The following SAMD5 variants were observed in gnomAD, a reference collection of about 807,000 sequenced individuals.
The protein encoded by SAMD5 is sterile alpha motif domain containing 5, also known as sterile alpha motif domain-containing protein 5.
A neutral mutation model predicts 11.3 loss-of-function variants in SAMD5; 13 were observed. The ratio of observed to expected loss-of-function variants is 1.15; its 90% CI spans 0.75 to 1.83. SAMD5 has a LOEUF of 1.83. Ranked by LOEUF, SAMD5 falls within the 40% of genes most tolerant of loss-of-function variation. SAMD5 has a pLI of 0.00. For synonymous variants in SAMD5, 129 were observed against 111.3 expected, an observed-to-expected ratio of 1.16 and a Z score of -1.00; for missense variants, 255 against 239.1, an observed-to-expected ratio of 1.07 and a Z score of -0.44.
the SAMD5 span, among the ~76,000 whole-genome samples, chr6:147,852,743 C>A: frequency 6.6e-6 from 1 of 152,088 alleles, no homozygotes; most frequent in East Asian, 1.9e-4. Context: ...TGAAGATAAC[C>A]AATTTCTTAA....
At chr6:147,676,616 A>G (rs1470713906) in intron 1 of SAMD5, among the ~76,000 whole-genome samples, 6 of 152,180 alleles carry the variant, frequency 3.9e-5, no homozygotes, top group Non-Finnish European at 7.3e-5. Context: ...ATGGATCCCT[A>G]CACCCTAGAA....
chr6:147,548,922 A>G (rs73582421), intron 1 of SAMD5, among the ~76,000 whole-genome samples: 1,655 of 152,174 alleles, frequency 0.011, 30 homozygotes, highest in African/African-American at 0.038. Context: ...GAACTCTGAC[A>G]TGCTTTGGTT....
At chr6:147,516,572 G>C (rs1788174397) in intron 1 of SAMD5, among the ~76,000 whole-genome samples, 1 of 152,180 alleles carries the variant, frequency 6.6e-6, no homozygotes, top group Non-Finnish European at 1.5e-5. Flanking sequence ...CACAAACTAG[G>C]TGTCTAAAAC....
At chr6:147,913,808 C>CATATATGCATGTGTATATATGCAT in the SAMD5 span, among the ~76,000 whole-genome samples, 2 of 152,210 alleles carry the variant, frequency 1.3e-5, no homozygotes, top group African/African-American at 2.4e-5. Context: ...ACATTATGCA[C>CATATATGCATGTGTATATATGCAT]ATACATGCAT....
the SAMD5 span, among the ~76,000 whole-genome samples, chr6:147,889,369 A>G: frequency 5.3e-5 from 8 of 152,208 alleles, no homozygotes; most frequent in South Asian, 2.1e-4. Context: ...AATGTATTCA[A>G]TCTTTCATCT....
chr6:147,807,792 T>C, the SAMD5 span, among the ~76,000 whole-genome samples: 1 of 152,244 alleles, frequency 6.6e-6, no homozygotes, highest in Non-Finnish European at 1.5e-5. Flanking sequence ...CTTTTTTCAA[T>C]GTATTTGCAT....
intron 1 of SAMD5, among the ~76,000 whole-genome samples, chr6:147,647,259 T>C (rs1018493899): frequency 4.6e-5 from 7 of 152,278 alleles, no homozygotes; most frequent in African/African-American, 1.7e-4. Flanking sequence ...GTCATCTTCA[T>C]GTTGAGTGGC....
At chr6:147,877,449 G>A in the SAMD5 span, among the ~76,000 whole-genome samples, 1 of 152,094 alleles carries the variant, frequency 6.6e-6, no homozygotes, top group Non-Finnish European at 1.5e-5. Context: ...GGTACAAATG[G>A]TTATGCATAG....
At chr6:147,937,935 C>T in the SAMD5 span, among the ~76,000 whole-genome samples, 6 of 152,034 alleles carry the variant, frequency 3.9e-5, no homozygotes, top group African/African-American at 1.2e-4. Flanking sequence ...GTACTTCAAG[C>T]TCTTTAAGAC....
At chr6:147,720,352 A>G (rs1256724832) in intron 1 of SAMD5, among the ~76,000 whole-genome samples, 1 of 151,970 alleles carries the variant, frequency 6.6e-6, no homozygotes, top group African/African-American at 2.4e-5. Flanking sequence ...AGTCCCAGCT[A>G]CTCGGGAGGC....
chr6:147,597,591 G>C (rs1298581946), intron 1 of SAMD5, among the ~76,000 whole-genome samples: 1 of 152,176 alleles, frequency 6.6e-6, no homozygotes, highest in Non-Finnish European at 1.5e-5. Context: ...CAGTTGAAAA[G>C]AGAAGAGTCA....
intron 1 of SAMD5, among the ~76,000 whole-genome samples, chr6:147,591,081 C>T (rs1789703): frequency 0.66 from 99,822 of 151,214 alleles, 33,118 homozygotes; most frequent in South Asian, 0.74. Flanking sequence ...AGACAATAGA[C>T]AGAAAAAATT....
chr6:147,776,245 A>G, the SAMD5 span, among the ~76,000 whole-genome samples: 1 of 152,182 alleles, frequency 6.6e-6, no homozygotes, highest in South Asian at 2.1e-4. Context: ...ATGTGACAGG[A>G]AGCTAGAATT....
chr6:147,881,578 C>T, the SAMD5 span, among the ~76,000 whole-genome samples: 3 of 152,168 alleles, frequency 2.0e-5, no homozygotes, highest in Admixed American at 6.5e-5. Context: ...AAAGCACCAG[C>T]TTGACTCCTG....
At chr6:147,809,584 C>T in the SAMD5 span, among the ~76,000 whole-genome samples, 12 of 152,276 alleles carry the variant, frequency 7.9e-5, 1 homozygote, top group South Asian at 8.3e-4. Context: ...AATGTATCAA[C>T]GATTGGGTGG....
At chr6:147,949,081 A>G in the SAMD5 span, among the ~76,000 whole-genome samples, 3 of 152,236 alleles carry the variant, frequency 2.0e-5, no homozygotes, top group African/African-American at 7.2e-5. Flanking sequence ...AGACGTGTGA[A>G]CCAAGACATT....
intron 1 of SAMD5, among the ~76,000 whole-genome samples, chr6:147,631,261 A>G (rs964998018): frequency 6.6e-6 from 1 of 152,198 alleles, no homozygotes. Context: ...CAAGGTCCGA[A>G]TAAGAGAAGG....
intron 1 of SAMD5, among the ~76,000 whole-genome samples, chr6:147,597,185 T>A (rs924224224): frequency 1.3e-5 from 2 of 152,220 alleles, no homozygotes; most frequent in African/African-American, 4.8e-5. Flanking sequence ...TGATGATTTT[T>A]AGGATTAATT....
At position 147,553,743 on chromosome 6, in the gene SAMD5, C is replaced by T. The variant is rs118019023; in HGVS notation, c.460-10651C>T. Among the ~76,000 whole-genome samples the T allele has an allele frequency of 3.6e-3, 544 of 152,282 alleles. 6 individuals are homozygous for T. Among genetic ancestry groups the T allele is most frequent in the East Asian group, 0.025 (129 of 5,172 alleles). ...TCTTCCGAGTTCATTTGGACAAGGT[C>T]AGTGTCTTGAGGGTTATTCAGATGA... is the stretch of plus-strand genomic sequence containing the variant. On this transcript the variant is annotated intron_variant, in intron 1 of 1. Transcript: ENST00000367474.
Sources: gnomAD v4.1 joint callset for allele counts (sites outside exome capture counted in the v4.1 genomes callset) on GRCh38, gnomAD v4.1.1 for gene constraint, MANE v1.5 for transcripts, NCBI Gene and HGNC (gene_info 2026-07-23, HGNC 2026-07-21) for gene names.